Variants in SV2C observed in about 807,000 individuals in gnomAD.
SV2C encodes the protein solute carrier family 22 member B3.
In SV2C, 49 loss-of-function variants were observed where a neutral mutation model predicts 79.7. That is an observed-to-expected ratio of 0.61 (90% CI 0.49 to 0.78). SV2C has a LOEUF of 0.78. Among genes scored for constraint, SV2C ranks in the 30% least tolerant of loss-of-function variants. The pLI, the probability that SV2C is intolerant of heterozygous loss-of-function variation, is 0.00. For missense variants in SV2C, 833 were observed against 912.9 expected (o/e 0.91, Z 1.13); for synonymous variants, 334 against 333.2 (o/e 1.00, Z -0.03).
the SV2C span, among the ~76,000 whole-genome samples, chr5:75,890,068 G>C: frequency 6.4e-4 from 98 of 152,210 alleles, no homozygotes; most frequent in African/African-American, 2.3e-3. Flanking sequence ...TACAGATTTA[G>C]TATGTCAACT....
chr5:76,014,255 GGAAA>G, the SV2C span, among the ~76,000 whole-genome samples: 2 of 141,006 alleles, frequency 1.4e-5, no homozygotes, highest in Non-Finnish European at 3.0e-5. Flanking sequence ...AAAGAAGAAA[GGAAA>G]GAAAGAAGGA....
At chr5:75,992,735 A>T in the SV2C span, among the ~76,000 whole-genome samples, 1 of 141,772 alleles carries the variant, frequency 7.1e-6, no homozygotes, top group Non-Finnish European at 1.5e-5. Context: ...GTCAATAAAG[A>T]TGAAAGTGCA....
chr5:76,258,451 G>A (rs1417688603), intron 4 of SV2C, among the ~76,000 whole-genome samples: 1 of 152,154 alleles, frequency 6.6e-6, no homozygotes, highest in East Asian at 1.9e-4. Flanking sequence ...GGCCAGAGAT[G>A]GCTAGAAGGA....
rs1479256847 is a variant in SV2C at position 76,147,082 on chromosome 5, T to C, written c.580+14752T>C. Among the ~76,000 whole-genome samples, 14 of 152,246 alleles carry C rather than the reference T, an allele frequency of 9.2e-5. No individual in the cohort carries two copies. The East Asian group carries it at 2.7e-3, about 29-fold the overall frequency. ...GAGAGGGGAATGGGAAGGTACAATG[T>C]GTACAGCTAGCTATAGGTTTGTGGT... On this transcript the variant is annotated intron_variant, in intron 2 of 12. Coordinates refer to ENST00000502798, the MANE Select transcript of SV2C (RefSeq NM_014979.4).
chr5:76,041,207 T>C, the SV2C span, among the ~76,000 whole-genome samples: 1 of 152,150 alleles, frequency 6.6e-6, no homozygotes, highest in African/African-American at 2.4e-5. Context: ...CAACGATAGA[T>C]AAAATACCTC....
the SV2C span, among the ~76,000 whole-genome samples, chr5:76,025,007 T>C: frequency 6.6e-6 from 1 of 152,242 alleles, no homozygotes; most frequent in African/African-American, 2.4e-5. Flanking sequence ...TAGGCCCCCT[T>C]TCCTTACCCA....
the SV2C span, among the ~76,000 whole-genome samples, chr5:75,950,013 A>T: frequency 2.0e-5 from 3 of 152,044 alleles, no homozygotes; most frequent in African/African-American, 7.2e-5. Context: ...CCTGAGATTA[A>T]CTGAGATGGG....
At chr5:75,914,911 A>G in the SV2C span, among the ~76,000 whole-genome samples, 1 of 152,216 alleles carries the variant, frequency 6.6e-6, no homozygotes, top group Non-Finnish European at 1.5e-5. Flanking sequence ...TTACAGTTCC[A>G]CATAGCTGAG....
intron 12 of SV2C, among the ~76,000 whole-genome samples, chr5:76,342,884 CTCTTT>C (rs1749469386): frequency 1.6e-5 from 2 of 128,938 alleles, no homozygotes; most frequent in Non-Finnish European, 1.7e-5. Flanking sequence ...CTCTCTCTCT[CTCTTT>C]TTTTTTTTTT....
In SV2C at chr5:76,221,147, A is replaced by G. The variant is rs529079885; in HGVS notation, c.913+11260A>G. 1.3e-4 allele frequency among the ~76,000 whole-genome samples: 20 copies of G among 152,264 alleles called. No individual in the cohort carries two copies. The South Asian group carries it at 1.9e-3, about 14-fold the overall frequency. On this transcript the variant is annotated intron_variant, in intron 4 of 12. Coordinates refer to ENST00000502798, the MANE Select transcript of SV2C (RefSeq NM_014979.4). ...GTGTGGCCCTTCCATCCATTTTTGG[A>G]TGCCAGAAACAGAAAGCAACTCTGG...
chr5:76,101,864 GA>G (rs1386322898), intron 1 of SV2C, among the ~76,000 whole-genome samples: 2 of 152,150 alleles, frequency 1.3e-5, no homozygotes, highest in Non-Finnish European at 2.9e-5. Context: ...GCATGATTAT[GA>G]GGACATTGAG....
intron 3 of SV2C, among the ~76,000 whole-genome samples, chr5:76,203,441 G>A (rs1744513697): frequency 6.6e-6 from 1 of 152,192 alleles, no homozygotes; most frequent in Non-Finnish European, 1.5e-5. Flanking sequence ...ACATCATAAT[G>A]ATCATCACCA....
chr5:76,024,951 G>A, the SV2C span, among the ~76,000 whole-genome samples: 1 of 152,144 alleles, frequency 6.6e-6, no homozygotes, highest in Non-Finnish European at 1.5e-5. Flanking sequence ...GCTCCAAGTT[G>A]CATGTTCAGT....
the SV2C span, among the ~76,000 whole-genome samples, chr5:75,907,977 A>G: frequency 3.3e-5 from 5 of 152,196 alleles, no homozygotes; most frequent in Non-Finnish European, 7.3e-5. Context: ...GAGTGGATTT[A>G]ACTGTGTGAT....
chr5:76,337,459 C>G (rs907655742), downstream of SV2C, among the ~76,000 whole-genome samples: 1 of 152,154 alleles, frequency 6.6e-6, no homozygotes, highest in Non-Finnish European at 1.5e-5. Context: ...CTTCAACATA[C>G]GAATTTGGGA....
the SV2C span, among the ~76,000 whole-genome samples, chr5:76,033,631 T>A: frequency 2.6e-5 from 4 of 152,244 alleles, no homozygotes; most frequent in African/African-American, 9.7e-5. Context: ...ACCAGTACCA[T>A]GCTGTTTTAG....
chr5:76,291,884 C>T lies in SV2C; in HGVS notation c.1337+28C>T, dbSNP rs767140113. On this transcript the variant is annotated intron_variant, in intron 8 of 12. Transcript: ENST00000502798. Reference sequence around the variant, plus strand: ...AAGTGATATTTAAATTCTTGGCAAGCAAAATCGTTCAATGTCCACATTGTA... The same window carrying T: ...AAGTGATATTTAAATTCTTGGCAAGTAAAATCGTTCAATGTCCACATTGTA... The T allele has an allele frequency of 8.0e-6, 12 of 1,505,938 alleles. No individual in the cohort carries two copies. In the South Asian group the frequency reaches 1.4e-4, roughly 17 times the overall value. The allele number at this position is 1,505,938 out of a possible 1,614,324, so 93.3% of individuals were successfully genotyped here.
chr5:76,325,288 C>G (rs538385508), intron 12 of SV2C, 76 bp from the exon 13 acceptor site: 20 of 1,452,278 alleles, frequency 1.4e-5, no homozygotes, highest in Admixed American at 1.8e-5. Flanking sequence ...CATTGAAAAT[C>G]TAGGATCTTT....
intron 3 of SV2C, among the ~76,000 whole-genome samples, chr5:76,197,410 A>T (rs982077987): frequency 8.5e-5 from 13 of 152,260 alleles, no homozygotes; most frequent in Admixed American, 2.6e-4. Flanking sequence ...AGAAAGGCCT[A>T]ATCAGGGACA....
Sources: allele counts gnomAD v4.1 joint callset (sites outside exome capture counted in the v4.1 genomes callset), GRCh38; gene constraint gnomAD v4.1.1; transcripts MANE v1.5; gene names NCBI Gene and HGNC (gene_info 2026-07-23, HGNC 2026-07-21).